Variants in FCMR observed in about 807,000 individuals in gnomAD.
The protein encoded by FCMR is Fc mu receptor.
A neutral mutation model predicts 41.6 loss-of-function variants in FCMR; 34 were observed. That is an observed-to-expected ratio of 0.82 (90% confidence interval 0.62 to 1.09). The LOEUF (loss-of-function observed/expected upper bound fraction) is 1.09. Among genes scored for constraint, FCMR ranks in the 50% least tolerant of loss-of-function variants. The pLI, the probability that FCMR is intolerant of heterozygous loss-of-function variation, is 0.00. For synonymous variants in FCMR, 209 were observed against 211.8 expected, an observed-to-expected ratio of 0.99 and a Z score of 0.12; for missense variants, 496 against 512.5, an observed-to-expected ratio of 0.97 and a Z score of 0.31.
intron 4 of FCMR, 135 bp downstream of exon 4, chr1:206,911,595 A>G: frequency 1.3e-6 from 1 of 774,054 alleles, no homozygotes; most frequent in Non-Finnish European, 2.2e-6. Flanking sequence ...TTAATGAGCT[A>G]TACTCATAGG....
intron 7 of FCMR, chr1:206,907,671 C>T: frequency 1.3e-6 from 1 of 797,432 alleles, no homozygotes; most frequent in South Asian, 1.3e-5. Context: ...CTCCTGGGCC[C>T]CCTGGCGGCC....
intron 7 of FCMR, chr1:206,908,138 T>A: frequency 7.5e-7 from 1 of 1,331,212 alleles, no homozygotes; most frequent in Non-Finnish European, 1.1e-6. Context: ...AAGAAACAGC[T>A]CATGAGGCTA....
At position 206,909,930 on chromosome 1, in the gene FCMR, C is replaced by A; in HGVS notation, c.842-62G>T. On this transcript the variant is annotated intron_variant, in intron 5 of 7. Transcript: ENST00000367091. This position sits in a 1 kb window ranked among gnomAD's most constrained non-coding sequence, Gnocchi z 5.0. ...GCATCAGAGGCCCGTGCCACCCTCC[C>A]CAAACGAAAGGCTGCCTCCTCCCTC... 1 of 1,364,458 alleles carries A rather than the reference C, an allele frequency of 7.3e-7. No homozygotes were observed. The highest frequency in any genetic ancestry group is 1.8e-5 in the South Asian group (1 of 57,062). The allele number at this position is 1,364,458 out of a possible 1,614,324, so 84.5% of individuals were successfully genotyped here.
chr1:206,919,629 C>T lies in FCMR; in HGVS notation c.37+2189G>A, dbSNP rs1004998416. ...AGTGGGATTAGGTGTGGGCTTGGGG[C>T]GTGTGCCTCCCCCGGCCTGCAAAGT... On this transcript the variant is annotated intron_variant, in intron 1 of 7. Transcript: ENST00000367091. Among the ~76,000 whole-genome samples, 18 of 152,102 alleles carry T rather than the reference C, an allele frequency of 1.2e-4. No individual in the cohort carries two copies. The South Asian group carries it at 1.2e-3, about 11-fold the overall frequency.
At chr1:206,921,310 T>C (rs1299338651) in intron 1 of FCMR, 1 of 343,888 alleles carries the variant, frequency 2.9e-6, no homozygotes, top group South Asian at 2.3e-5. Context: ...CTCTTAAGAG[T>C]TAACACCTGG....
intron 3 of FCMR, among the ~76,000 whole-genome samples, chr1:206,912,598 A>G (rs1678989177): frequency 6.6e-6 from 1 of 152,232 alleles, no homozygotes; most frequent in Non-Finnish European, 1.5e-5. Flanking sequence ...CCAGCTGGGA[A>G]ATGTCTGCCC....
chr1:206,922,154 T>G (rs937793591), upstream of FCMR, among the ~76,000 whole-genome samples: 1 of 152,246 alleles, frequency 6.6e-6, no homozygotes, highest in African/African-American at 2.4e-5. Flanking sequence ...CTATTAGCAG[T>G]GACCAGGCCT....
rs556419380 is a variant in FCMR at position 206,913,539 on chromosome 1, A to G, written c.373+220T>C. 99 of 590,402 alleles carry G rather than the reference A, an allele frequency of 1.7e-4. No homozygotes were observed. In the African/African-American group the frequency reaches 1.8e-3, roughly 11 times the overall value. 36.6% of individuals were successfully genotyped at this position (590,402 alleles called of 1,614,324 possible). A position where few individuals can be genotyped will look rare whatever the true frequency, so the allele number is the denominator to read the frequency against. ...CCTGGGTAGGATGAACAATACAAAG[A>G]GAGCACCTATCTTGTTCTTTTCATA... On this transcript the variant is annotated intron_variant, in intron 2 of 7. Coordinates refer to ENST00000367091, the MANE Select transcript of FCMR (RefSeq NM_005449.5).
intron 1 of FCMR, chr1:206,917,793 A>ATT (rs36032902): frequency 1.4e-3 from 589 of 432,826 alleles, no homozygotes; most frequent in East Asian, 4.3e-3. Flanking sequence ...TGTGTGGCGA[A>ATT]TTTTTTTTTT....
At chr1:206,912,628 A>G (rs769561256) in intron 3 of FCMR, among the ~76,000 whole-genome samples, 6 of 152,208 alleles carry the variant, frequency 3.9e-5, no homozygotes, top group Non-Finnish European at 5.9e-5. Context: ...TTCCGCAGTC[A>G]TTCATAAAAA....
intron 7 of FCMR, chr1:206,908,292 T>G (rs1447706813): frequency 1.1e-6 from 1 of 906,708 alleles, no homozygotes; most frequent in Admixed American, 2.1e-5. Flanking sequence ...ATCGTCGCCC[T>G]GGAATGTGCG....
rs752143144 is a variant in FCMR, at chr1:206,903,359, T to C, written c.*1660A>G. The C allele has an allele frequency of 5.8e-5, 18 of 310,622 alleles. No individual in the cohort carries two copies. The highest frequency in any genetic ancestry group is 1.0e-4 in the Non-Finnish European group (17 of 163,218). The allele number at this position is 310,622 out of a possible 1,614,324, so 19.2% of individuals were successfully genotyped here. A position where few individuals can be genotyped will look rare whatever the true frequency, so the allele number is the denominator to read the frequency against. On this transcript the variant is annotated 3_prime_UTR_variant, in exon 8 of 8. Transcript: ENST00000367091. ...TTTATTTGTGAGACTGTAAGTTACA[T>C]GAAGGCAGCAGAATATTGTGCCCCA...
Position 206,904,849 on chromosome 1 carries a change from G to T in FCMR, c.*170C>A. ...TGCCAAGGTGTGCAAGACGACCTGG[G>T]GGCAGAGCCATGCTCAGGGCACAGA... On this transcript the variant is annotated 3_prime_UTR_variant, in exon 8 of 8. Transcript: ENST00000367091. 1 of 727,406 alleles carries T rather than the reference G, an allele frequency of 1.4e-6. No individual in the cohort carries two copies. The highest frequency in any genetic ancestry group is 1.7e-5 in the South Asian group (1 of 59,058). The allele number at this position is 727,406 out of a possible 1,614,324, so 45.1% of individuals were successfully genotyped here.
Position 206,905,126 on chromosome 1 carries a change from G to A in FCMR, c.1066C>T (p.His356Tyr), listed in dbSNP as rs1434288566. The A allele has an allele frequency of 6.2e-7, 1 of 1,614,126 alleles. No homozygotes were observed. The highest frequency in any genetic ancestry group is 8.5e-7 in the Non-Finnish European group (1 of 1,180,014). ...PLQVSESPWLHAPSLKTSCEY... is the reference protein window; with the variant it reads ...PLQVSESPWLYAPSLKTSCEY... Reference sequence around the variant, plus strand: ...CAGCTGGTCTTCAGAGATGGGGCATGGAGCCAGGGAGATTCAGACACCTGG... The same window carrying A: ...CAGCTGGTCTTCAGAGATGGGGCATAGAGCCAGGGAGATTCAGACACCTGG... The change falls in exon 8 of 8, where the codon CAT becomes TAT. Residue 356 changes from histidine (H) to tyrosine (Y), a missense_variant. His to Tyr is a moderately conservative substitution (Grantham distance 83). Transcript: ENST00000367091.
chr1:206,922,286 C>G (rs1342528648), upstream of FCMR, among the ~76,000 whole-genome samples: 4 of 152,164 alleles, frequency 2.6e-5, no homozygotes, highest in Non-Finnish European at 5.9e-5. Context: ...AGCCTTATCA[C>G]CAATTTTCCC....
chr1:206,904,868 G>T lies in FCMR; in HGVS notation c.*151C>A. The T allele has an allele frequency of 1.2e-6, 1 of 849,574 alleles. No homozygotes were observed. Among genetic ancestry groups the T allele is most frequent in the Non-Finnish European group, 1.9e-6 (1 of 518,646 alleles). The allele number at this position is 849,574 out of a possible 1,614,324, so 52.6% of individuals were successfully genotyped here. ...ACCTGGGGGCAGAGCCATGCTCAGG[G>T]CACAGATAGATGGGGATGGGAGTCG... On this transcript the variant is annotated 3_prime_UTR_variant, in exon 8 of 8. Coordinates refer to ENST00000367091, the MANE Select transcript of FCMR (RefSeq NM_005449.5).
chr1:206,916,333 C>T (rs1021256517), intron 1 of FCMR, among the ~76,000 whole-genome samples: 4 of 152,148 alleles, frequency 2.6e-5, no homozygotes, highest in African/African-American at 9.6e-5. Flanking sequence ...GGTGGGAGCA[C>T]GTGGAAGTAT....
intron 7 of FCMR, chr1:206,907,816 T>C (rs1678736808): frequency 2.9e-6 from 4 of 1,400,816 alleles, no homozygotes; most frequent in Non-Finnish European, 4.0e-6. Context: ...ACACCAACCC[T>C]TCCCGAGGTC....
intron 1 of FCMR, among the ~76,000 whole-genome samples, chr1:206,917,598 A>G (rs1039354335): frequency 1.3e-5 from 2 of 152,048 alleles, no homozygotes; most frequent in Non-Finnish European, 1.5e-5. Context: ...GCCATAGCTT[A>G]CACACATGTC....
Sources: allele counts gnomAD v4.1 joint callset (sites outside exome capture counted in the v4.1 genomes callset), GRCh38; gene constraint gnomAD v4.1.1; non-coding constraint Gnocchi (gnomAD v3.1); transcripts MANE v1.5; gene names NCBI Gene and HGNC (gene_info 2026-07-23, HGNC 2026-07-21).